TRPC5: variants seen among roughly 807,000 people sequenced by gnomAD.
TRPC5 encodes short transient receptor potential channel 5.
TRPC5 carries 9 observed loss-of-function variants against 56.5 expected under a neutral mutation model. The ratio of observed to expected loss-of-function variants is 0.16; its 90% CI spans 0.10 to 0.28. The LOEUF (loss-of-function observed/expected upper bound fraction) is 0.28, where lower values mean the gene tolerates loss of function less well. Among genes scored for constraint, TRPC5 ranks in the 10% least tolerant of loss-of-function variants. The pLI, the probability that TRPC5 is intolerant of heterozygous loss-of-function variation, is 1.00. For synonymous variants in TRPC5, 282 were observed against 278.5 expected (o/e 1.01, Z -0.13); for missense variants, 469 against 748.9 (o/e 0.63, Z 4.36).
Position 111,768,211 on chromosome X carries a change from A to G in TRPC5, c.*8102T>C, listed in dbSNP as rs1345596318. ...TTCAAAGCCAGTGTCATTTACACAG[A>G]CACATTTGGAATTTTCCCTTTTCAT... On this transcript the variant is annotated 3_prime_UTR_variant, in exon 11 of 11. Coordinates refer to ENST00000262839, the MANE Select transcript of TRPC5 (RefSeq NM_012471.3). Among the ~76,000 whole-genome samples, 1 of 112,154 alleles carries G rather than the reference A, an allele frequency of 8.9e-6. No homozygotes were observed. The highest frequency in any genetic ancestry group is 1.9e-5 in the Non-Finnish European group (1 of 53,136).
chrX:111,807,956 C>CTCTGTGTGTGTGTGTG (rs905386723), intron 7 of TRPC5, among the ~76,000 whole-genome samples: 74 of 91,924 alleles, frequency 8.1e-4, no homozygotes, highest in African/African-American at 3.7e-3. Flanking sequence ...CTCTCTCTCT[C>CTCTGTGTGTGTGTGTG]TGTGTGTGTG....
In TRPC5 at chrX:112,082,361, G is replaced by A. The variant is rs1456993617; in HGVS notation, c.-504C>T. On this transcript the variant is annotated 5_prime_UTR_variant, in exon 1 of 11. Coordinates refer to ENST00000262839, the MANE Select transcript of TRPC5 (RefSeq NM_012471.3). Reference sequence around the variant, plus strand: ...ACTGTAGTGTGAAGGAGAGGGAGAAGGAGGGAGGAAGGAAGGGATGGAGAG... The same window carrying A: ...ACTGTAGTGTGAAGGAGAGGGAGAAAGAGGGAGGAAGGAAGGGATGGAGAG... 3 of 110,739 alleles carry A rather than the reference G, an allele frequency of 2.7e-5. No individual in the cohort carries two copies. The highest frequency in any genetic ancestry group is 3.8e-3 in the Middle Eastern group (1 of 261). 9.1% of individuals were successfully genotyped at this position (110,739 alleles called of 1,213,427 possible). A position where few individuals can be genotyped will look rare whatever the true frequency, so the allele number is the denominator to read the frequency against.
At position 111,967,151 on chromosome X, in the gene TRPC5, G is replaced by A. The variant is rs777765055; in HGVS notation, c.-21-14710C>T. On this transcript the variant is annotated intron_variant, in intron 1 of 10. Transcript: ENST00000262839. Reference sequence around the variant, plus strand: ...CAAAGTCTCAGGATACAAAATCAGTGTACAAAAATCACAAGCATTCTTATA... The same window carrying A: ...CAAAGTCTCAGGATACAAAATCAGTATACAAAAATCACAAGCATTCTTATA... Among the ~76,000 whole-genome samples, 3 of 111,809 alleles carry A rather than the reference G, an allele frequency of 2.7e-5. No individual in the cohort carries two copies. In the East Asian group the frequency reaches 8.4e-4, roughly 31 times the overall value.
At chrX:111,866,396 A>G (rs933377763) in intron 3 of TRPC5, among the ~76,000 whole-genome samples, 2 of 113,479 alleles carry the variant, frequency 1.8e-5, no homozygotes, top group Non-Finnish European at 3.7e-5. Flanking sequence ...CCAGATCTGT[A>G]TGGAATCCCC....
intron 7 of TRPC5, among the ~76,000 whole-genome samples, chrX:111,804,356 A>C (rs1921423520): frequency 9.0e-6 from 1 of 111,731 alleles, no homozygotes; most frequent in South Asian, 3.7e-4. Context: ...TTCCATATGA[A>C]CTTTAAAGTA....
chrX:111,907,503 T>C (rs1484775502), intron 3 of TRPC5, among the ~76,000 whole-genome samples: 1 of 109,804 alleles, frequency 9.1e-6, no homozygotes, highest in Non-Finnish European at 1.9e-5. Context: ...TGCATGCCTG[T>C]AGTTCCAGCT....
chrX:111,964,859 A>G (rs1186474730), intron 1 of TRPC5, among the ~76,000 whole-genome samples: 17 of 112,130 alleles, frequency 1.5e-4, no homozygotes, highest in African/African-American at 5.5e-4. Flanking sequence ...GGTACCAGCC[A>G]CTGCAAAAAC....
At chrX:111,835,194 C>G in intron 6 of TRPC5, 78 bp from the exon 7 acceptor site, 1 of 905,750 alleles carries the variant, frequency 1.1e-6, no homozygotes, top group Non-Finnish European at 1.5e-6. Context: ...AGGTGATCTG[C>G]TTAACGAAGG....
intron 7 of TRPC5, among the ~76,000 whole-genome samples, chrX:111,807,181 A>C (rs1921541842): frequency 9.0e-6 from 1 of 111,175 alleles, no homozygotes; most frequent in African/African-American, 3.3e-5. Context: ...CTTTCTCTAC[A>C]TCCCCTTTAA....
intron 1 of TRPC5, among the ~76,000 whole-genome samples, chrX:112,052,879 C>G (rs2067951562): frequency 8.9e-6 from 1 of 111,842 alleles, no homozygotes; most frequent in African/African-American, 3.2e-5. Flanking sequence ...GTTATTTCCC[C>G]ATTGAATGGT....
chrX:111,811,814 C>T (rs1045848668), intron 7 of TRPC5, among the ~76,000 whole-genome samples: 5 of 111,488 alleles, frequency 4.5e-5, no homozygotes, highest in Non-Finnish European at 7.5e-5. Flanking sequence ...TTGATTCCTT[C>T]CCCTGTACTT....
intron 6 of TRPC5, 110 bp downstream of exon 6, chrX:111,847,004 A>G: frequency 2.4e-6 from 2 of 839,442 alleles, no homozygotes; most frequent in South Asian, 2.6e-5. Context: ...CTGCCTTCAC[A>G]GTCAAGTGGC....
At chrX:111,782,806 A>AACCCACACACACACACACAC (rs1945930411) in intron 7 of TRPC5, among the ~76,000 whole-genome samples, 1 of 92,118 alleles carries the variant, frequency 1.1e-5, no homozygotes, top group African/African-American at 4.2e-5. Context: ...CATTATAATC[A>AACCCACACACACACACACAC]ACACACACAC....
chrX:111,874,891 G>T (rs1013335421), intron 3 of TRPC5, among the ~76,000 whole-genome samples: 1 of 112,655 alleles, frequency 8.9e-6, no homozygotes, highest in African/African-American at 3.2e-5. Context: ...AAGGTCAACA[G>T]TGTCTAAAAT....
intron 1 of TRPC5, among the ~76,000 whole-genome samples, chrX:112,033,309 G>T (rs927153832): frequency 7.8e-4 from 85 of 108,537 alleles, no homozygotes; most frequent in African/African-American, 2.6e-3. Flanking sequence ...CATGGCACAT[G>T]TGTAGATATG....
At chrX:111,901,679 C>T (rs924699541) in intron 3 of TRPC5, 1 of 387,822 alleles carries the variant, frequency 2.6e-6, no homozygotes, top group African/African-American at 2.6e-5. Context: ...TTATATTGTT[C>T]TACTGTTCTC....
intron 3 of TRPC5, among the ~76,000 whole-genome samples, chrX:111,862,576 G>A (rs1436552625): frequency 8.9e-6 from 1 of 111,934 alleles, no homozygotes; most frequent in Non-Finnish European, 1.9e-5. Context: ...GAGTTTGATA[G>A]CTTTAGCTTT....
chrX:111,848,613 T>C (rs1249916006), intron 5 of TRPC5, among the ~76,000 whole-genome samples: 1 of 112,184 alleles, frequency 8.9e-6, no homozygotes, highest in Non-Finnish European at 1.9e-5. Flanking sequence ...CCAAATTATA[T>C]TGTTAGCATT....
At chrX:111,957,826 G>A (rs1057354144) in intron 1 of TRPC5, among the ~76,000 whole-genome samples, 2 of 111,747 alleles carry the variant, frequency 1.8e-5, no homozygotes, top group African/African-American at 6.5e-5. Flanking sequence ...GTCCAGAGGG[G>A]GAGACAAAAA....
Sources: allele counts gnomAD v4.1 joint callset (sites outside exome capture counted in the v4.1 genomes callset), GRCh38; gene constraint gnomAD v4.1.1; transcripts MANE v1.5; gene names NCBI Gene and HGNC (gene_info 2026-07-23, HGNC 2026-07-21).